The following HSD17B13 variants were observed in gnomAD, a reference collection of about 807,000 sequenced individuals.
HSD17B13 encodes 17-beta-hydroxysteroid dehydrogenase 13.
In HSD17B13, 26 loss-of-function variants were observed where a neutral mutation model predicts 31.1. The ratio of observed to expected loss-of-function variants is 0.84; its 90% CI spans 0.61 to 1.16. The LOEUF is 1.16. Among genes scored for constraint, HSD17B13 ranks in the 50% most tolerant of loss-of-function variants. HSD17B13 has a pLI of 0.00. For synonymous variants in HSD17B13, 141 were observed against 133.7 expected (o/e 1.05, Z -0.38); for missense variants, 374 against 366.5 (o/e 1.02, Z -0.17).
intron 6 of HSD17B13, among the ~76,000 whole-genome samples, chr4:87,309,194 C>A (rs1405444196): frequency 6.6e-6 from 1 of 151,426 alleles, no homozygotes; most frequent in African/African-American, 2.4e-5. Flanking sequence ...ACCAGCCTGG[C>A]CAACATGGTG....
At position 87,308,667 on chromosome 4, in the gene HSD17B13, C is replaced by A. The variant is rs535699273; in HGVS notation, c.812+1576G>T. Among the ~76,000 whole-genome samples the A allele has an allele frequency of 1.9e-3, 282 of 148,980 alleles. 2 individuals are homozygous for A. Among genetic ancestry groups the A allele is most frequent in the African/African-American group, 6.5e-3 (266 of 40,924 alleles). ...CTGCACTCCAGCCTGGGCAACAGAG[C>A]GAGACTCTGTCTCAAAAAAATATAA... is the stretch of plus-strand genomic sequence containing the variant. On this transcript the variant is annotated intron_variant, in intron 6 of 6. Coordinates refer to ENST00000328546, the MANE Select transcript of HSD17B13 (RefSeq NM_178135.5).
At chr4:87,313,713 T>G in intron 5 of HSD17B13, 110 bp downstream of exon 5, 1 of 846,056 alleles carries the variant, frequency 1.2e-6, no homozygotes, top group Non-Finnish European at 1.8e-6. Flanking sequence ...AGAAAAATTA[T>G]TTTTCCTTCT....
At chr4:87,309,888 G>A (rs1734488370) in intron 6 of HSD17B13, among the ~76,000 whole-genome samples, 1 of 152,058 alleles carries the variant, frequency 6.6e-6, no homozygotes, top group Non-Finnish European at 1.5e-5. Context: ...GGCCAGGCAT[G>A]GTGGCTCATG....
chr4:87,312,772 T>A (rs1734563065), intron 5 of HSD17B13, among the ~76,000 whole-genome samples: 1 of 151,766 alleles, frequency 6.6e-6, no homozygotes, highest in Non-Finnish European at 1.5e-5. Context: ...AAAAACTTAT[T>A]TTTTTGGCCG....
chr4:87,319,628 A>C lies in HSD17B13; in HGVS notation c.211-1192T>G, dbSNP rs147881083. Among the ~76,000 whole-genome samples the C allele has an allele frequency of 5.6e-4, 86 of 152,330 alleles. 1 individual carries two copies. Among genetic ancestry groups the C allele is most frequent in the Non-Finnish European group, 9.7e-4 (66 of 68,018 alleles). On this transcript the variant is annotated intron_variant, in intron 1 of 6. Transcript: ENST00000328546. ...TTCTGACTCATCCTCCTAGGAGGGA[A>C]GGGAAAGAAGTCTCCTTAAAGAAGA...
rs1428367233 is a variant in HSD17B13 at position 87,319,046 on chromosome 4, G to A, written c.211-610C>T. Among the ~76,000 whole-genome samples the A allele has an allele frequency of 2.6e-5, 4 of 151,970 alleles. No homozygotes were observed. In the South Asian group the frequency reaches 6.3e-4, roughly 24 times the overall value. ...AAATACAAAAAATTAGCTGGGCGTG[G>A]TGGTGGGAGCCTGTAATCCCAGCTA... On this transcript the variant is annotated intron_variant, in intron 1 of 6. Transcript: ENST00000328546.
chr4:87,317,663 C>G (rs1438277733), intron 2 of HSD17B13, among the ~76,000 whole-genome samples: 1 of 136,602 alleles, frequency 7.3e-6, no homozygotes, highest in Non-Finnish European at 1.5e-5. Flanking sequence ...TCCACCTTGG[C>G]CTCACAAAGT....
At chr4:87,314,666 C>A (rs1236150081) in intron 4 of HSD17B13, among the ~76,000 whole-genome samples, 2 of 151,514 alleles carry the variant, frequency 1.3e-5, no homozygotes, top group East Asian at 3.9e-4. Flanking sequence ...CACACACACA[C>A]ACACTTTCAT....
At chr4:87,306,468 T>C (rs1223792814) in intron 6 of HSD17B13, among the ~76,000 whole-genome samples, 3 of 152,194 alleles carry the variant, frequency 2.0e-5, no homozygotes, top group Non-Finnish European at 2.9e-5. Flanking sequence ...AAAATGGTCA[T>C]CTTAAAACAA....
intron 6 of HSD17B13, among the ~76,000 whole-genome samples, chr4:87,305,697 G>C (rs1232127945): frequency 6.8e-6 from 1 of 148,048 alleles, no homozygotes; most frequent in Admixed American, 6.8e-5. Context: ...TGGGCGACAA[G>C]AATGAAACTC....
In HSD17B13 at chr4:87,322,357, G is replaced by C. The variant is rs559815367; in HGVS notation, c.210+275C>G. ...TCAGAGCCAAGAAAACAGGCTGAGA[G>C]ATAATATGTGACTTGCCTCATTTAG... On this transcript the variant is annotated intron_variant, in intron 1 of 6. Coordinates refer to ENST00000328546, the MANE Select transcript of HSD17B13 (RefSeq NM_178135.5). 2.0e-5 allele frequency among the ~76,000 whole-genome samples: 3 copies of C among 152,326 alleles called. No homozygotes were observed. The South Asian group carries it at 6.2e-4, about 32-fold the overall frequency.
intron 6 of HSD17B13, among the ~76,000 whole-genome samples, chr4:87,306,960 G>A (rs1171792348): frequency 1.4e-5 from 2 of 139,082 alleles, no homozygotes; most frequent in Non-Finnish European, 3.1e-5. Context: ...AATGTAAAGA[G>A]GCAGAAATAA....
intron 6 of HSD17B13, among the ~76,000 whole-genome samples, chr4:87,308,756 T>C (rs1286160803): frequency 4.0e-5 from 6 of 151,024 alleles, no homozygotes; most frequent in Admixed American, 4.0e-4. Context: ...AAGGGAATGT[T>C]ATGTACAAAT....
chr4:87,319,915 G>A (rs1158571867), intron 1 of HSD17B13, among the ~76,000 whole-genome samples: 1 of 152,208 alleles, frequency 6.6e-6, no homozygotes, highest in East Asian at 1.9e-4. Context: ...CACCTCAGGT[G>A]ACTTTTATAG....
rs142258440 is a variant in HSD17B13, at chr4:87,319,495, A to T, written c.211-1059T>A. On this transcript the variant is annotated intron_variant, in intron 1 of 6. Transcript: ENST00000328546. Reference sequence around the variant, plus strand: ...AAACTCAACCATTAATTTATCATACATTTGTTGAGCACCAACTATGTAATA... The same window carrying T: ...AAACTCAACCATTAATTTATCATACTTTTGTTGAGCACCAACTATGTAATA... 3.6e-3 allele frequency among the ~76,000 whole-genome samples: 543 copies of T among 152,352 alleles called. 7 individuals carry two copies. The highest frequency in any genetic ancestry group is 0.013 in the African/African-American group (522 of 41,590).
intron 2 of HSD17B13, among the ~76,000 whole-genome samples, chr4:87,317,581 T>TTTTTTTTTTTTTTTTTTTTTTTTTTTTG: frequency 7.5e-6 from 1 of 132,650 alleles, no homozygotes; most frequent in African/African-American, 2.9e-5. Context: ...TTTTTTTTTT[T>TTTTTTTTTTTTTTTTTTTTTTTTTTTTG]TTTTTTTTTT....
At chr4:87,307,548 T>C (rs1443448920) in intron 6 of HSD17B13, among the ~76,000 whole-genome samples, 2 of 152,210 alleles carry the variant, frequency 1.3e-5, no homozygotes, top group African/African-American at 2.4e-5. Flanking sequence ...CAGAGTCTCC[T>C]GTTGCCCAGG....
chr4:87,312,267 T>G (rs1341438803), intron 5 of HSD17B13, among the ~76,000 whole-genome samples: 1 of 152,178 alleles, frequency 6.6e-6, no homozygotes, highest in African/African-American at 2.4e-5. Context: ...TTAAGTACTG[T>G]GAGACAACGT....
intron 6 of HSD17B13, among the ~76,000 whole-genome samples, chr4:87,306,634 C>T (rs544122289): frequency 7.2e-5 from 11 of 151,876 alleles, no homozygotes; most frequent in Admixed American, 2.0e-4. Context: ...GTGGCTGGCC[C>T]GGTGGCTCAC....
Sources: allele counts gnomAD v4.1 joint callset (sites outside exome capture counted in the v4.1 genomes callset), GRCh38; gene constraint gnomAD v4.1.1; transcripts MANE v1.5; gene names NCBI Gene and HGNC (gene_info 2026-07-23, HGNC 2026-07-21).